Variants in PCDHA10 observed in about 807,000 individuals in gnomAD.
The protein encoded by PCDHA10 is protocadherin alpha 10.
A neutral mutation model predicts 61.2 loss-of-function variants in PCDHA10; 45 were observed. That is an observed-to-expected ratio of 0.74 (90% confidence interval 0.58 to 0.94). PCDHA10 has a LOEUF of 0.94. PCDHA10 is among the 40% of genes least tolerant of loss of function. The pLI, the probability that PCDHA10 is intolerant of heterozygous loss-of-function variation, is 0.00. For missense variants in PCDHA10, 1,278 were observed against 1,236.2 expected (o/e 1.03, Z -0.51); for synonymous variants, 602 against 548.8 (o/e 1.10, Z -1.35).
At position 141,010,228 on chromosome 5, in the gene PCDHA10, C is replaced by T. The variant is rs1290626143; in HGVS notation, c.*291C>T. The stretch of plus-strand genomic sequence containing the variant: ...CCGCAAAGGAGAGGCTTCCCAGCCC[C>T]GCCAGTGAGAGGTTGGACTCTCTGC... On this transcript the variant is annotated 3_prime_UTR_variant, in exon 4 of 4. Coordinates refer to ENST00000307360, the MANE Select transcript of PCDHA10 (RefSeq NM_018901.4). 35 of 1,551,916 alleles carry T rather than the reference C, an allele frequency of 2.3e-5. No homozygotes were observed. The highest frequency in any genetic ancestry group is 2.8e-5 in the Non-Finnish European group (32 of 1,147,054).
At position 140,926,291 on chromosome 5, in the gene PCDHA10, G is replaced by A. The variant is rs545188065; in HGVS notation, c.2389-52658G>A. 3.9e-5 allele frequency: 6 copies of A among 152,438 alleles called. No individual in the cohort carries two copies. The South Asian group carries it at 1.0e-3, about 26-fold the overall frequency. 9.4% of individuals were successfully genotyped at this position (152,438 alleles called of 1,614,324 possible). A position where few individuals can be genotyped will look rare whatever the true frequency, so the allele number is the denominator to read the frequency against. ...CCTCCGCTCGGCAGCTCCACGCTGA[G>A]TCCCGCCCTCTCCGCCGGAGAGGTG... On this transcript the variant is annotated intron_variant, in intron 1 of 3. Transcript: ENST00000307360.
At chr5:140,891,201 T>C (rs1301476369) in intron 1 of PCDHA10, among the ~76,000 whole-genome samples, 3 of 152,214 alleles carry the variant, frequency 2.0e-5, no homozygotes, top group Non-Finnish European at 4.4e-5. Context: ...TTTGCAGTTT[T>C]ACCATGCTGT....
chr5:140,962,107 G>A (rs1010906038), intron 1 of PCDHA10, among the ~76,000 whole-genome samples: 20 of 151,860 alleles, frequency 1.3e-4, no homozygotes, highest in African/African-American at 4.4e-4. Flanking sequence ...GGATGGTCTC[G>A]ATCTCCTAAC....
chr5:140,964,785 C>T (rs890090665), intron 1 of PCDHA10, among the ~76,000 whole-genome samples: 2 of 151,408 alleles, frequency 1.3e-5, no homozygotes, highest in East Asian at 3.9e-4. Context: ...GAGGAAGAAG[C>T]CAGAGACCCA....
In PCDHA10 at chr5:141,009,849, C is replaced by G; in HGVS notation, c.2759C>G (p.Thr920Ser). The change falls in exon 4 of 4, where the codon ACC (threonine) becomes AGC (serine). Residue 920 changes from threonine (T) to serine (S), a missense_variant. Physicochemically the swap from Thr to Ser is moderately conservative, Grantham distance 58. Coordinates refer to ENST00000307360, the MANE Select transcript of PCDHA10 (RefSeq NM_018901.4). ...ATAACCTTCGGCAAAAAGGAGGAGA[C>G]CAAGAAAAAGAAGAAAAAGAAGAAG... ...DFITFGKKEE[T>S]KKKKKKKKGN... 1 of 1,613,364 alleles carries G rather than the reference C, an allele frequency of 6.2e-7. No homozygotes were observed. The highest frequency in any genetic ancestry group is 8.5e-7 in the Non-Finnish European group (1 of 1,179,856).
chr5:140,968,670 T>C lies in PCDHA10; in HGVS notation c.2389-10279T>C, dbSNP rs782754896. 23 of 1,614,180 alleles carry C rather than the reference T, an allele frequency of 1.4e-5. No homozygotes were observed. Among genetic ancestry groups the C allele is most frequent in the Non-Finnish European group, 1.8e-5 (21 of 1,180,034 alleles). On this transcript the variant is annotated intron_variant, in intron 1 of 3. Coordinates refer to ENST00000307360, the MANE Select transcript of PCDHA10 (RefSeq NM_018901.4). ...ACTTCTGACCTGGACCTCTTTAAGG[T>C]AGAGCTGCACACAGGAGAAATTAGG...
chr5:140,866,238 A>G (rs1317266389), intron 1 of PCDHA10: 2 of 152,166 alleles, frequency 1.3e-5, no homozygotes, highest in Admixed American at 1.3e-4. Context: ...ACTATATACC[A>G]AAAATGACAC....
At chr5:140,862,914 T>G (rs1324923018) in intron 1 of PCDHA10, 1 of 548,316 alleles carries the variant, frequency 1.8e-6, no homozygotes, top group African/African-American at 2.0e-5. Flanking sequence ...TGCTGGCGCC[T>G]TGGGTGGGCT....
intron 3 of PCDHA10, among the ~76,000 whole-genome samples, chr5:140,991,824 A>T (rs1326935155): frequency 1.3e-5 from 2 of 152,240 alleles, no homozygotes; most frequent in Non-Finnish European, 2.9e-5. Context: ...TTAGGCATTT[A>T]TAACGGCAGA....
At chr5:140,967,944 A>G (rs782135204) in intron 1 of PCDHA10, 4 of 1,613,970 alleles carry the variant, frequency 2.5e-6, no homozygotes. Flanking sequence ...AATGACCAAG[A>G]CTCAGGCCCC....
rs781974273 is a variant in PCDHA10, at chr5:140,871,561, T to TC, written c.2388+13126dup. 4.7e-6 allele frequency: 7 copies of TC among 1,485,828 alleles called. No homozygotes were observed. In the African/African-American group the frequency reaches 9.9e-5, roughly 21 times the overall value. 92.0% of individuals were successfully genotyped at this position (1,485,828 alleles called of 1,614,324 possible). ...AAATTATTTAAAATCCAGTTTTTTT[T>TC]CACGGATTTTTTAAGGGAAAGTTTT... is the stretch of plus-strand genomic sequence containing the variant. On this transcript the variant is annotated intron_variant, in intron 1 of 3. Coordinates refer to ENST00000307360, the MANE Select transcript of PCDHA10 (RefSeq NM_018901.4).
chr5:140,937,288 C>T (rs1473599964), intron 1 of PCDHA10, among the ~76,000 whole-genome samples: 1 of 152,072 alleles, frequency 6.6e-6, no homozygotes, highest in African/African-American at 2.4e-5. Context: ...TCACCCGCTT[C>T]GGCCTCCCAA....
chr5:140,856,258 C>G lies in PCDHA10; in HGVS notation c.210C>G (p.His70Gln). The G allele has an allele frequency of 6.3e-7, 1 of 1,598,068 alleles. No homozygotes were observed. The highest frequency in any genetic ancestry group is 1.1e-5 in the South Asian group (1 of 90,516). Residue 70 changes from histidine (H) to glutamine (Q), a missense_variant, in exon 1 of 4, where the codon CAC becomes CAG. By Grantham distance (24) the His-to-Gln change is conservative. Coordinates refer to ENST00000307360, the MANE Select transcript of PCDHA10 (RefSeq NM_018901.4). ...QRLFRVASKR[H>Q]GDLLEVNLQN... is the part of the protein sequence containing the mutation. ...TGTTCCGGGTGGCGTCCAAAAGACACGGGGACCTTCTGGAGGTAAATCTGC... is the reference window on the plus strand; with the variant it reads ...TGTTCCGGGTGGCGTCCAAAAGACAGGGGGACCTTCTGGAGGTAAATCTGC...
At chr5:140,962,781 T>A (rs1466674099) in intron 1 of PCDHA10, among the ~76,000 whole-genome samples, 1 of 152,228 alleles carries the variant, frequency 6.6e-6, no homozygotes, top group African/African-American at 2.4e-5. Context: ...ATGGAATTTT[T>A]AAAAACTACT....
intron 1 of PCDHA10, among the ~76,000 whole-genome samples, chr5:140,941,255 C>CTTTCTTTCTT (rs782490896): frequency 0.012 from 539 of 44,464 alleles, 5 homozygotes; most frequent in Middle Eastern, 0.036. Context: ...TTCTTTCTTT[C>CTTTCTTTCTT]TCTTTCTTTC....
At chr5:140,946,611 A>AATATAT (rs1554217734) in intron 1 of PCDHA10, among the ~76,000 whole-genome samples, 1,127 of 86,766 alleles carry the variant, frequency 0.013, 130 homozygotes, top group African/African-American at 0.067. Flanking sequence ...GAAAATGTGA[A>AATATAT]ATATATATAT....
intron 1 of PCDHA10, among the ~76,000 whole-genome samples, chr5:140,906,797 A>G (rs2072940556): frequency 6.6e-6 from 1 of 151,964 alleles, no homozygotes; most frequent in African/African-American, 2.4e-5. Context: ...TTCCATGCAT[A>G]CTCTTCCTTA....
At chr5:140,987,585 A>G (rs575330361) in intron 3 of PCDHA10, among the ~76,000 whole-genome samples, 2 of 152,236 alleles carry the variant, frequency 1.3e-5, no homozygotes, top group East Asian at 3.8e-4. Flanking sequence ...AAATGGGGAG[A>G]ATAGTGGTGT....
chr5:140,884,554 G>A (rs1554181727), intron 1 of PCDHA10: 10 of 1,614,160 alleles, frequency 6.2e-6, no homozygotes, highest in Non-Finnish European at 6.8e-6. Context: ...GCTCTGGGGA[G>A]GGCCCGCATA....
Sources: gnomAD v4.1 joint callset for allele counts (sites outside exome capture counted in the v4.1 genomes callset) on GRCh38, gnomAD v4.1.1 for gene constraint, MANE v1.5 for transcripts, NCBI Gene and HGNC (gene_info 2026-07-23, HGNC 2026-07-21) for gene names.